Variants in ZCCHC14 observed in about 807,000 individuals in gnomAD.
The protein encoded by ZCCHC14 is zinc finger CCHC domain-containing protein 14.
In ZCCHC14, 16 loss-of-function variants were observed where a neutral mutation model predicts 85.0. The ratio of observed to expected loss-of-function variants is 0.19; its 90% CI spans 0.13 to 0.29. The LOEUF is 0.29. Among genes scored for constraint, ZCCHC14 ranks in the 10% least tolerant of loss-of-function variants. ZCCHC14 has a pLI of 1.00. For missense variants in ZCCHC14, 1,303 were observed against 1,443.5 expected, an observed-to-expected ratio of 0.90 and a Z score of 1.58; for synonymous variants, 775 against 630.7, an observed-to-expected ratio of 1.23 and a Z score of -3.43.
chr16:87,458,147 A>G (rs930070985), intron 2 of ZCCHC14, among the ~76,000 whole-genome samples: 9 of 152,196 alleles, frequency 5.9e-5, no homozygotes, highest in Non-Finnish European at 1.3e-4. Context: ...ATCCTGAAGA[A>G]AAAGCACTGA....
In ZCCHC14 at chr16:87,415,267, C is replaced by G; in HGVS notation, c.1475+9G>C. ...TAAACACAGGTTTCAAAACCCACTT[C>G]ACACTCACTTTTCCAGCTCCAGCTG... On this transcript the variant is annotated intron_variant, in intron 9 of 12. Transcript: ENST00000671377. 1 of 1,613,740 alleles carries G rather than the reference C, an allele frequency of 6.2e-7. No homozygotes were observed. Among genetic ancestry groups the G allele is most frequent in the Non-Finnish European group, 8.5e-7 (1 of 1,179,818 alleles).
At chr16:87,433,276 TCAG>T in intron 2 of ZCCHC14, 75 bp from the exon 3 acceptor site, 1 of 1,417,136 alleles carries the variant, frequency 7.1e-7, no homozygotes, top group South Asian at 1.2e-5. Context: ...CATTTGATAT[TCAG>T]CAGTTTTCAA....
chr16:87,433,287 C>A, intron 2 of ZCCHC14, 86 bp from the exon 3 acceptor site: 1 of 1,323,680 alleles, frequency 7.6e-7, no homozygotes, highest in Non-Finnish European at 1.0e-6. Context: ...CAGCAGTTTT[C>A]AAAACCAGGT....
At chr16:87,450,895 C>T (rs1910666157) in intron 2 of ZCCHC14, among the ~76,000 whole-genome samples, 1 of 151,242 alleles carries the variant, frequency 6.6e-6, no homozygotes, top group Non-Finnish European at 1.5e-5. Context: ...GAAGTGAACA[C>T]CTTTTCCTTT....
intron 1 of ZCCHC14, among the ~76,000 whole-genome samples, chr16:87,464,884 G>A (rs1198277276): frequency 6.6e-6 from 1 of 152,164 alleles, no homozygotes; most frequent in Non-Finnish European, 1.5e-5. Flanking sequence ...CGCAGGACTC[G>A]TCATCTGGCC....
chr16:87,483,034 T>G (rs1033319306), intron 1 of ZCCHC14, among the ~76,000 whole-genome samples: 1 of 151,252 alleles, frequency 6.6e-6, no homozygotes. Flanking sequence ...GACTGATAAA[T>G]ATAGCATTTA....
At chr16:87,485,704 C>T (rs151008824) in intron 1 of ZCCHC14, among the ~76,000 whole-genome samples, 2,509 of 152,048 alleles carry the variant, frequency 0.017, 25 homozygotes, top group Middle Eastern at 0.048. Context: ...AAAATTTCTT[C>T]GTCATCAATT....
intron 9 of ZCCHC14, 119 bp downstream of exon 9, chr16:87,415,157 C>A (rs1908718712): frequency 6.8e-6 from 5 of 740,588 alleles, no homozygotes; most frequent in African/African-American, 1.8e-5. Flanking sequence ...TGGCTAAGGA[C>A]TGGATAAGCA....
At position 87,492,907 on chromosome 16, in the gene ZCCHC14, C is replaced by CGCG. The variant is rs766547110; in HGVS notation, c.-672_-670dup. ...CGCGGCGGACGGATCCGGGCCCGAG[C>CGCG]GCGGCGGCGGCGGCGACGGCGACGG... On this transcript the variant is annotated 5_prime_UTR_variant, in exon 1 of 13. Coordinates refer to ENST00000671377, the MANE Select transcript of ZCCHC14 (RefSeq NM_015144.3). This position sits in a 1 kb window ranked among gnomAD's most constrained non-coding sequence, Gnocchi z 6.7. Among the ~76,000 whole-genome samples, 27 of 148,084 alleles carry CGCG rather than the reference C, an allele frequency of 1.8e-4. No individual in the cohort carries two copies. The highest frequency in any genetic ancestry group is 8.3e-4 in the East Asian group (4 of 4,826).
Position 87,423,803 on chromosome 16 carries a change from A to G in ZCCHC14, c.840+7T>C. On this transcript the variant is annotated splice_region_variant and intron_variant, in intron 4 of 12. Coordinates refer to ENST00000671377, the MANE Select transcript of ZCCHC14 (RefSeq NM_015144.3). ...TTAATTTTTATAAGAGCCCTTGATT[A>G]CCTTACCTTTGAAATAAATTCCGTC... The G allele has an allele frequency of 1.2e-6, 2 of 1,613,838 alleles. No homozygotes were observed. The highest frequency in any genetic ancestry group is 1.1e-5 in the South Asian group (1 of 90,990).
chr16:87,439,088 T>A (rs1910063780), intron 2 of ZCCHC14, among the ~76,000 whole-genome samples: 1 of 152,124 alleles, frequency 6.6e-6, no homozygotes, highest in Non-Finnish European at 1.5e-5. Context: ...TTATGGAATC[T>A]TCTTTATAGG....
intron 3 of ZCCHC14, among the ~76,000 whole-genome samples, chr16:87,424,597 G>C (rs890103570): frequency 6.6e-6 from 1 of 152,158 alleles, no homozygotes; most frequent in Non-Finnish European, 1.5e-5. Flanking sequence ...CTAAGCTCCA[G>C]GGGGGAAGGG....
At chr16:87,446,584 A>T (rs1910449488) in intron 2 of ZCCHC14, among the ~76,000 whole-genome samples, 1 of 152,246 alleles carries the variant, frequency 6.6e-6, no homozygotes, top group African/African-American at 2.4e-5. Context: ...CAGCTCCTGA[A>T]TCAGAGTGTC....
Position 87,412,474 on chromosome 16 carries a change from C to T in ZCCHC14, c.2247G>A (p.Pro749=), listed in dbSNP as rs533761754. Residue 749 remains proline (P), a synonymous_variant, in exon 12 of 13, where the codon CCG becomes CCA. Coordinates refer to ENST00000671377, the MANE Select transcript of ZCCHC14 (RefSeq NM_015144.3). Reference sequence around the variant, plus strand: ...CCGTGCTGGTCTCCACGACCAGGGCCGGTTGCTGTGCTGTCTTCAGCACCC... The same window carrying T: ...CCGTGCTGGTCTCCACGACCAGGGCTGGTTGCTGTGCTGTCTTCAGCACCC... ...LDRVLKTAQQ[P]ALVVETSTAA... is the part of the protein sequence containing the mutation. 20 of 1,613,870 alleles carry T rather than the reference C, an allele frequency of 1.2e-5. No individual in the cohort carries two copies. The highest frequency in any genetic ancestry group is 2.2e-5 in the South Asian group (2 of 91,080).
chr16:87,461,243 G>A (rs1456539701), intron 1 of ZCCHC14, among the ~76,000 whole-genome samples: 1 of 152,192 alleles, frequency 6.6e-6, no homozygotes, highest in Admixed American at 6.5e-5. Flanking sequence ...GTGTGAATGT[G>A]GAATAAGCCG....
At chr16:87,460,228 T>C in intron 1 of ZCCHC14, 97 bp from the exon 2 acceptor site, 1 of 1,459,258 alleles carries the variant, frequency 6.9e-7, no homozygotes, top group South Asian at 1.4e-5. Context: ...TACCTTGGTT[T>C]CCATTTTTCT....
At chr16:87,439,188 G>T (rs907360107) in intron 2 of ZCCHC14, among the ~76,000 whole-genome samples, 4 of 151,456 alleles carry the variant, frequency 2.6e-5, no homozygotes, top group African/African-American at 9.7e-5. Context: ...CGCCAGGCTG[G>T]AGTGGCATGA....
chr16:87,479,309 A>G (rs924869575), intron 1 of ZCCHC14, among the ~76,000 whole-genome samples: 4 of 151,554 alleles, frequency 2.6e-5, no homozygotes, highest in African/African-American at 9.7e-5. Flanking sequence ...CCAGTTACTC[A>G]GGAGGCTGAG....
Position 87,413,097 on chromosome 16 carries a change from C to T in ZCCHC14, c.1702G>A (p.Ala568Thr), listed in dbSNP as rs1230731552. The T allele has an allele frequency of 6.2e-7, 1 of 1,614,080 alleles. No homozygotes were observed. Among genetic ancestry groups the T allele is most frequent in the Non-Finnish European group, 8.5e-7 (1 of 1,180,010 alleles). The change falls in exon 11 of 13, where the codon GCC becomes ACC. Residue 568 changes from alanine (A) to threonine (T), a missense_variant. Physicochemically the swap from Ala to Thr is moderately conservative, Grantham distance 58 (BLOSUM62 0). Coordinates refer to ENST00000671377, the MANE Select transcript of ZCCHC14 (RefSeq NM_015144.3). ...GCGCTGTCGGAGCTCTCTTCCCGGG[C>T]CTGTACCCCCATGGGGCTGGAGGAG... ...SSSSSPMGVQ[A>T]REESSDSAEE...
Sources: allele counts gnomAD v4.1 joint callset (sites outside exome capture counted in the v4.1 genomes callset), GRCh38; gene constraint gnomAD v4.1.1; non-coding constraint Gnocchi (gnomAD v3.1); transcripts MANE v1.5; gene names NCBI Gene and HGNC (gene_info 2026-07-23, HGNC 2026-07-21).